Variants in SLC2A9 observed in about 807,000 individuals in gnomAD.
The protein encoded by SLC2A9 is solute carrier family 2, facilitated glucose transporter member 9.
A neutral mutation model predicts 50.6 loss-of-function variants in SLC2A9; 39 were observed. That is an observed-to-expected ratio of 0.77 (90% confidence interval 0.60 to 1.01). The LOEUF (loss-of-function observed/expected upper bound fraction) is 1.01. Ranked by LOEUF, SLC2A9 falls within the 50% of genes least tolerant of loss-of-function variation. The probability of loss-of-function intolerance (pLI) is 0.00; values close to 1 mark genes in which losing one functional copy is unlikely to be tolerated. For missense variants in SLC2A9, 686 were observed against 677.6 expected, an observed-to-expected ratio of 1.01 and a Z score of -0.14; for synonymous variants, 324 against 276.9, an observed-to-expected ratio of 1.17 and a Z score of -1.69.
chr4:9,908,182 T>C, intron 8 of SLC2A9, 53 bp downstream of exon 8: 2 of 1,191,396 alleles, frequency 1.7e-6, no homozygotes, highest in Middle Eastern at 1.9e-4. Context: ...ACATTCCCAC[T>C]GTGCTGTGTA....
intron 10 of SLC2A9, chr4:9,878,964 G>T: frequency 1.2e-6 from 1 of 853,182 alleles, no homozygotes; most frequent in Non-Finnish European, 1.4e-6. Flanking sequence ...AGCTGTGGTG[G>T]TAGAAAACAC....
At chr4:9,898,944 T>C (rs973840919) in intron 8 of SLC2A9, among the ~76,000 whole-genome samples, 12 of 149,922 alleles carry the variant, frequency 8.0e-5, no homozygotes, top group African/African-American at 3.0e-4. Flanking sequence ...ACAACTACTA[T>C]GGCCATTTCT....
At chr4:9,945,315 G>A (rs746144488) in intron 5 of SLC2A9, among the ~76,000 whole-genome samples, 12 of 152,230 alleles carry the variant, frequency 7.9e-5, no homozygotes, top group Non-Finnish European at 1.3e-4. Context: ...TATTCCTAGG[G>A]AGGATTTCTG....
intron 5 of SLC2A9, among the ~76,000 whole-genome samples, chr4:9,970,422 G>T (rs1170591689): frequency 6.6e-6 from 1 of 152,120 alleles, no homozygotes; most frequent in Non-Finnish European, 1.5e-5. Flanking sequence ...AGGGGCAAGT[G>T]GGGGTACTGT....
intron 3 of SLC2A9, among the ~76,000 whole-genome samples, chr4:9,787,045 G>A (rs554779100): frequency 6.6e-6 from 1 of 152,318 alleles, no homozygotes; most frequent in East Asian, 1.9e-4. Context: ...AGTGCCCTGA[G>A]TTTGAAGTTT....
intron 2 of SLC2A9, among the ~76,000 whole-genome samples, chr4:10,018,277 G>A (rs1213778874): frequency 6.6e-6 from 1 of 152,214 alleles, no homozygotes; most frequent in Non-Finnish European, 1.5e-5. Context: ...GGGCACAGTG[G>A]CTCAAGCCTA....
intron 3 of SLC2A9, among the ~76,000 whole-genome samples, chr4:9,793,999 A>G (rs1292790508): frequency 6.6e-6 from 1 of 152,248 alleles, no homozygotes; most frequent in East Asian, 1.9e-4. Context: ...GATTTTAAGT[A>G]AATGATTAAA....
At chr4:9,960,226 C>A (rs1194035621) in intron 5 of SLC2A9, among the ~76,000 whole-genome samples, 1 of 152,184 alleles carries the variant, frequency 6.6e-6, no homozygotes, top group Non-Finnish European at 1.5e-5. Context: ...CTTGAGCCTA[C>A]CCAAGTCACT....
intron 11 of SLC2A9, among the ~76,000 whole-genome samples, chr4:9,832,949 G>A (rs1726416328): frequency 6.6e-6 from 1 of 152,186 alleles, no homozygotes. Flanking sequence ...GAAGATAGTG[G>A]CCTGCTTCTC....
intron 5 of SLC2A9, among the ~76,000 whole-genome samples, chr4:9,960,930 G>T (rs1356762512): frequency 4.6e-5 from 7 of 152,160 alleles, no homozygotes; most frequent in Admixed American, 4.6e-4. Context: ...GTGGACACAG[G>T]ATCTGTTGTT....
chr4:9,806,881 G>A (rs140693556), intron 3 of SLC2A9, among the ~76,000 whole-genome samples: 241 of 152,284 alleles, frequency 1.6e-3, no homozygotes, highest in African/African-American at 5.0e-3. Context: ...TCCAGAGGAC[G>A]CTTGAACTGA....
Position 9,955,448 on chromosome 4 carries a change from T to C in SLC2A9, c.682-13403A>G, listed in dbSNP as rs1224570820. 2.4e-4 allele frequency among the ~76,000 whole-genome samples: 29 copies of C among 121,624 alleles called. 7 individuals carry two copies. The highest frequency in any genetic ancestry group is 4.3e-4 in the Non-Finnish European group (26 of 60,990). The allele number at this position is 121,624 out of a possible 152,430, so 79.8% of individuals were successfully genotyped here. The stretch of plus-strand genomic sequence containing the variant: ...AGGCGGAGCTTGCAGTGAGCCGAGA[T>C]TGCGCCACTGCACTCCCGCCTGGGC... On this transcript the variant is annotated intron_variant, in intron 5 of 11. Coordinates refer to ENST00000264784, the MANE Select transcript of SLC2A9 (RefSeq NM_020041.3).
downstream of SLC2A9, among the ~76,000 whole-genome samples, chr4:9,777,422 A>C (rs895162505): frequency 4.0e-5 from 6 of 151,480 alleles, no homozygotes; most frequent in African/African-American, 1.5e-4. Context: ...TTCTATACTC[A>C]TTATAAAAAC....
chr4:9,858,948 G>C (rs1001842082), intron 10 of SLC2A9, among the ~76,000 whole-genome samples: 3 of 152,148 alleles, frequency 2.0e-5, no homozygotes, highest in Admixed American at 2.0e-4. Flanking sequence ...CTTTCTCCTG[G>C]GCTGGATGCT....
At chr4:9,918,456 T>C (rs894084795) in intron 7 of SLC2A9, among the ~76,000 whole-genome samples, 7 of 152,152 alleles carry the variant, frequency 4.6e-5, no homozygotes, top group Admixed American at 6.5e-5. Flanking sequence ...TGCCTAGGGA[T>C]GGCCTGGGGA....
intron 4 of SLC2A9, among the ~76,000 whole-genome samples, chr4:9,984,714 G>C (rs572307794): frequency 1.3e-5 from 2 of 152,286 alleles, no homozygotes; most frequent in South Asian, 4.1e-4. Flanking sequence ...CCCATAGCCA[G>C]CATCTGTCCC....
At position 9,918,960 on chromosome 4, in the gene SLC2A9, G is replaced by A. The variant is rs189633669; in HGVS notation, c.1002+1425C>T. Among the ~76,000 whole-genome samples the A allele has an allele frequency of 2.0e-5, 3 of 152,298 alleles. No homozygotes were observed. In the East Asian group the frequency reaches 5.8e-4, roughly 29 times the overall value. ...AACAGGTGCTTAGTCAGTGCGGCTT[G>A]CAGGTACACCATAGAGGAATTTATG... On this transcript the variant is annotated intron_variant, in intron 7 of 11. Transcript: ENST00000264784.
chr4:9,927,399 T>C (rs1745103705), intron 6 of SLC2A9, among the ~76,000 whole-genome samples: 1 of 152,228 alleles, frequency 6.6e-6, no homozygotes, highest in African/African-American at 2.4e-5. Flanking sequence ...TATCACCTCC[T>C]GCTAGAGCAA....
intron 2 of SLC2A9, among the ~76,000 whole-genome samples, chr4:10,015,505 C>A (rs1342161104): frequency 6.6e-6 from 1 of 152,174 alleles, no homozygotes; most frequent in Non-Finnish European, 1.5e-5. Flanking sequence ...AAAAATGTTG[C>A]ATGACATTTT....
Sources: gnomAD v4.1 joint callset for allele counts (sites outside exome capture counted in the v4.1 genomes callset) on GRCh38, gnomAD v4.1.1 for gene constraint, MANE v1.5 for transcripts, NCBI Gene and HGNC (gene_info 2026-07-23, HGNC 2026-07-21) for gene names.